Variants in AASS observed in about 807,000 individuals in gnomAD.
AASS encodes alpha-aminoadipic semialdehyde synthase, mitochondrial.
In AASS, 86 loss-of-function variants were observed where a neutral mutation model predicts 105.4. That is an observed-to-expected ratio of 0.82 (90% CI 0.69 to 0.98). The LOEUF is 0.98. Among genes scored for constraint, AASS ranks in the 50% least tolerant of loss-of-function variants. The pLI is 0.00. For synonymous variants in AASS, 381 were observed against 394.8 expected, an observed-to-expected ratio of 0.96 and a Z score of 0.41; for missense variants, 1,048 against 1,143.2, an observed-to-expected ratio of 0.92 and a Z score of 1.20.
intron 19 of AASS, among the ~76,000 whole-genome samples, chr7:122,082,344 T>C (rs1793382807): frequency 6.6e-6 from 1 of 152,194 alleles, no homozygotes; most frequent in Non-Finnish European, 1.5e-5. Flanking sequence ...AGGGCCTCTG[T>C]ACATGCTGCT....
intron 4 of AASS, among the ~76,000 whole-genome samples, chr7:122,125,845 T>A (rs1385598154): frequency 1.3e-5 from 2 of 152,202 alleles, no homozygotes; most frequent in Non-Finnish European, 2.9e-5. Flanking sequence ...GAACCTCTAC[T>A]TTTATTTTTT....
intron 2 of AASS, among the ~76,000 whole-genome samples, chr7:122,130,979 A>G (rs530869070): frequency 1.5e-4 from 23 of 151,390 alleles, no homozygotes; most frequent in African/African-American, 5.5e-4. Context: ...AGCCTTCTGT[A>G]TAAGAACAAA....
intron 4 of AASS, among the ~76,000 whole-genome samples, chr7:122,121,372 GA>G (rs1237759299): frequency 6.6e-6 from 1 of 151,992 alleles, no homozygotes; most frequent in Non-Finnish European, 1.5e-5. Flanking sequence ...TGTTTCATTT[GA>G]AACTATCAAT....
At position 122,077,875 on chromosome 7, in the gene AASS, C is replaced by T. The variant is rs766111824; in HGVS notation, c.2625G>A (p.Gly875=). 1.2e-6 allele frequency: 2 copies of T among 1,614,162 alleles called. No individual in the cohort carries two copies. Among genetic ancestry groups the T allele is most frequent in the African/African-American group, 1.3e-5 (1 of 75,046 alleles). ...NGFSAMAKTV[G]LPTAMAAKML... ...TTTTGGCTGCCATGGCGGTGGGTAACCCCACGGTTTTAGCCATGGCTGAAA... is the reference window on the plus strand; with the variant it reads ...TTTTGGCTGCCATGGCGGTGGGTAATCCCACGGTTTTAGCCATGGCTGAAA... Residue 875 remains glycine (G), a synonymous_variant, in exon 23 of 24, where the codon GGG becomes GGA. Coordinates refer to ENST00000417368, the MANE Select transcript of AASS (RefSeq NM_005763.4).
At chr7:122,092,503 T>C (rs1562912485) in intron 17 of AASS, among the ~76,000 whole-genome samples, 1 of 152,132 alleles carries the variant, frequency 6.6e-6, no homozygotes, top group South Asian at 2.1e-4. Context: ...GGGGGGCAGA[T>C]GACCTGAGGT....
chr7:122,122,856 C>A (rs79087854), intron 4 of AASS, among the ~76,000 whole-genome samples: 2 of 152,122 alleles, frequency 1.3e-5, no homozygotes, highest in Non-Finnish European at 2.9e-5. Flanking sequence ...CCATTTAAAA[C>A]GTGAACATAC....
intron 11 of AASS, among the ~76,000 whole-genome samples, chr7:122,106,353 C>T (rs983365224): frequency 3.3e-5 from 5 of 151,910 alleles, no homozygotes; most frequent in East Asian, 1.9e-4. Flanking sequence ...AGATTCAATG[C>T]TATTCTTATC....
chr7:122,078,159 C>A, intron 22 of AASS, 145 bp from the exon 23 acceptor site: 1 of 795,082 alleles, frequency 1.3e-6, no homozygotes, highest in South Asian at 1.6e-5. Context: ...GCTTTTTAGC[C>A]CAAAGTCAAA....
chr7:122,093,151 G>A lies in AASS; in HGVS notation c.1663C>T (p.Pro555Ser), dbSNP rs942519564. The change falls in exon 16 of 24, where the codon CCT becomes TCT. Residue 555 changes from proline (P) to serine (S), a missense_variant. Transcript: ENST00000417368. ...GCCACAAGAGGGTGCAATACATAAG[G>A]CAACAAGCTTGAAAACAGGAAGAAA... The part of the protein sequence containing the change: ...AKQDLVISLL[P>S]YVLHPLVAKA... The A allele has an allele frequency of 7.4e-6, 12 of 1,612,834 alleles. No homozygotes were observed. The highest frequency in any genetic ancestry group is 1.0e-5 in the Non-Finnish European group (12 of 1,178,908).
In AASS at chr7:122,091,761, C is replaced by T. The variant is rs746338348; in HGVS notation, c.1958G>A (p.Ser653Asn). ...TACATTCATCAAAACTCCCACTGGA[C>T]TCCAGCTAAATTTATATCTCAATGG... is the stretch of plus-strand genomic sequence containing the variant. ...NNPLRYKFSW[S>N]PVGVLMNVMQ... Residue 653 changes from serine to asparagine, a missense_variant, in exon 18 of 24, where the codon AGT (serine) becomes AAT (asparagine). By Grantham distance (46) the Ser-to-Asn change is conservative (BLOSUM62 1). Coordinates refer to ENST00000417368, the MANE Select transcript of AASS (RefSeq NM_005763.4). 6.2e-7 allele frequency: 1 copy of T among 1,613,556 alleles called. No homozygotes were observed. The highest frequency in any genetic ancestry group is 8.5e-7 in the Non-Finnish European group (1 of 1,179,692).
At chr7:122,115,624 T>C (rs1431865293) in intron 8 of AASS, among the ~76,000 whole-genome samples, 2 of 152,112 alleles carry the variant, frequency 1.3e-5, no homozygotes, top group Non-Finnish European at 2.9e-5. Context: ...ACTTGCCAGA[T>C]GGGGATAATA....
At chr7:122,130,089 T>C (rs185125738) in intron 2 of AASS, among the ~76,000 whole-genome samples, 47 of 151,910 alleles carry the variant, frequency 3.1e-4, no homozygotes, top group African/African-American at 1.1e-3. Flanking sequence ...TGGATTGGAG[T>C]AAATGAAAAA....
intron 2 of AASS, among the ~76,000 whole-genome samples, chr7:122,132,164 A>C (rs1795946627): frequency 6.6e-6 from 1 of 152,206 alleles, no homozygotes; most frequent in Non-Finnish European, 1.5e-5. Flanking sequence ...ACTCCTCATA[A>C]CAAGGCTTTA....
intron 9 of AASS, 68 bp downstream of exon 9, chr7:122,115,006 A>C: frequency 1.2e-6 from 2 of 1,604,884 alleles, no homozygotes. Flanking sequence ...CTGATATGTG[A>C]TATTTGATCC....
chr7:122,090,848 A>G (rs1246980714), intron 18 of AASS, among the ~76,000 whole-genome samples: 2 of 152,106 alleles, frequency 1.3e-5, no homozygotes, highest in Non-Finnish European at 2.9e-5. Context: ...TCATACCATG[A>G]GTGCTAACAT....
intron 15 of AASS, among the ~76,000 whole-genome samples, chr7:122,096,065 A>G (rs1464639189): frequency 2.6e-5 from 4 of 152,144 alleles, no homozygotes; most frequent in Admixed American, 2.6e-4. Context: ...TCAATGGGAC[A>G]TACTCTTAAA....
Position 122,075,342 on chromosome 7 carries a change from C to G in AASS, c.*1147G>C, listed in dbSNP as rs574854373. Among the ~76,000 whole-genome samples the G allele has an allele frequency of 1.3e-5, 2 of 152,288 alleles. No homozygotes were observed. The highest frequency in any genetic ancestry group is 4.2e-4 in the South Asian group (2 of 4,816). On this transcript the variant is annotated 3_prime_UTR_variant, in exon 24 of 24. Transcript: ENST00000417368. ...TTTTCTATAGTTTTCCCTTGGATTACTATGCACAAAACCACCATATCGTCT... is the reference window on the plus strand; with the variant it reads ...TTTTCTATAGTTTTCCCTTGGATTAGTATGCACAAAACCACCATATCGTCT...
chr7:122,106,470 A>G (rs1157469679), intron 11 of AASS, among the ~76,000 whole-genome samples: 1 of 152,124 alleles, frequency 6.6e-6, no homozygotes, highest in Non-Finnish European at 1.5e-5. Context: ...AAAAAAAAAC[A>G]GAGCTGGAGG....
intron 4 of AASS, among the ~76,000 whole-genome samples, chr7:122,123,117 C>A (rs537329836): frequency 6.6e-6 from 1 of 152,270 alleles, no homozygotes; most frequent in Admixed American, 6.5e-5. Context: ...TTCTTTTCCA[C>A]AAATTGTTCC....
Sources: allele counts gnomAD v4.1 joint callset (sites outside exome capture counted in the v4.1 genomes callset), GRCh38; gene constraint gnomAD v4.1.1; transcripts MANE v1.5; gene names NCBI Gene and HGNC (gene_info 2026-07-23, HGNC 2026-07-21).